Variants in TMX1 observed in about 807,000 individuals in gnomAD.
TMX1 encodes the protein thioredoxin related transmembrane protein 1.
TMX1 carries 25 observed loss-of-function variants against 36.6 expected under a neutral mutation model. That is an observed-to-expected ratio of 0.68 (90% CI 0.50 to 0.95). The LOEUF is 0.95. TMX1 is among the 40% of genes least tolerant of loss of function. The pLI is 0.00. For synonymous variants in TMX1, 133 were observed against 118.0 expected (o/e 1.13, Z -0.82); for missense variants, 347 against 339.6 (o/e 1.02, Z -0.17).
Position 51,254,602 on chromosome 14 carries a change from A to G in TMX1, c.*83A>G, listed in dbSNP as rs2065830225. 7.7e-7 allele frequency: 1 copy of G among 1,293,538 alleles called. No individual in the cohort carries two copies. The highest frequency in any genetic ancestry group is 1.4e-5 in the South Asian group (1 of 69,750). 80.1% of individuals were successfully genotyped at this position (1,293,538 alleles called of 1,614,324 possible). On this transcript the variant is annotated 3_prime_UTR_variant, in exon 8 of 8. Coordinates refer to ENST00000457354, the MANE Select transcript of TMX1 (RefSeq NM_030755.5). Reference sequence around the variant, plus strand: ...TTTGTTTGGTTTGAAGTGAACTGTGACTTTTTTGAATATTGCAGGGTTCAG... The same window carrying G: ...TTTGTTTGGTTTGAAGTGAACTGTGGCTTTTTTGAATATTGCAGGGTTCAG...
Position 51,243,924 on chromosome 14 carries a change from A to G in TMX1, c.221A>G (p.Glu74Gly). The part of the protein sequence containing the change: ...PEWESFAEWG[E>G]DLEVNIAKVD... ...TGGGAAAGTTTTGCTGAATGGGGAG[A>G]AGATCTTGAGGTTAATATTGCGAAA... The change falls in exon 2 of 8, where the codon GAA becomes GGA. Residue 74 changes from glutamate (E) to glycine (G), a missense_variant. Transcript: ENST00000457354. The G allele has an allele frequency of 6.2e-7, 1 of 1,612,548 alleles. No individual in the cohort carries two copies. Among genetic ancestry groups the G allele is most frequent in the Non-Finnish European group, 8.5e-7 (1 of 1,179,258 alleles).
At chr14:51,241,605 C>T (rs1355032180) in intron 1 of TMX1, among the ~76,000 whole-genome samples, 2 of 152,128 alleles carry the variant, frequency 1.3e-5, no homozygotes, top group Non-Finnish European at 2.9e-5. Context: ...GCGTACGCTA[C>T]CCAGGAGATT....
chr14:51,247,285 T>C (rs757224821), intron 4 of TMX1, 65 bp downstream of exon 4: 11 of 1,535,234 alleles, frequency 7.2e-6, no homozygotes, highest in Non-Finnish European at 9.7e-6. Context: ...TTATATTTTA[T>C]GTAAAGCATT....
At chr14:51,242,408 C>A (rs2140469478) in intron 1 of TMX1, among the ~76,000 whole-genome samples, 1 of 152,118 alleles carries the variant, frequency 6.6e-6, no homozygotes, top group African/African-American at 2.4e-5. Flanking sequence ...TCATTATGGT[C>A]CAACTATATA....
rs188265870 is a variant in TMX1 at position 51,251,489 on chromosome 14, T to C, written c.664+1724T>C. On this transcript the variant is annotated intron_variant, in intron 7 of 7. Coordinates refer to ENST00000457354, the MANE Select transcript of TMX1 (RefSeq NM_030755.5). ...TATTCTGTCTTCACCCTCACATAAA[T>C]CATATGGCCGTCAGAAAATCCGTTG... is the stretch of plus-strand genomic sequence containing the variant. 1.7e-3 allele frequency among the ~76,000 whole-genome samples: 264 copies of C among 152,294 alleles called. 1 individual carries two copies. Among genetic ancestry groups the C allele is most frequent in the South Asian group, 0.013 (64 of 4,822 alleles).
intron 1 of TMX1, among the ~76,000 whole-genome samples, chr14:51,241,386 A>G (rs935526965): frequency 6.6e-6 from 1 of 152,234 alleles, no homozygotes; most frequent in East Asian, 1.9e-4. Flanking sequence ...GACACCACTA[A>G]GCACCTTTAC....
chr14:51,246,996 T>C lies in TMX1; in HGVS notation c.315-96T>C, dbSNP rs1052699672. On this transcript the variant is annotated intron_variant, in intron 3 of 7. Coordinates refer to ENST00000457354, the MANE Select transcript of TMX1 (RefSeq NM_030755.5). ...CTTGTACATTGCTAATGCTTTTGAA[T>C]GTTAGAATTGACTGTAAAGTGAAGT... 8 of 1,107,834 alleles carry C rather than the reference T, an allele frequency of 7.2e-6. No individual in the cohort carries two copies. In the Admixed American group the frequency reaches 1.0e-4, roughly 14 times the overall value. The allele number at this position is 1,107,834 out of a possible 1,614,324, so 68.6% of individuals were successfully genotyped here.
chr14:51,250,492 G>A (rs2065806549), intron 7 of TMX1, among the ~76,000 whole-genome samples: 2 of 151,770 alleles, frequency 1.3e-5, no homozygotes, highest in Admixed American at 6.6e-5. Flanking sequence ...TTGTTTGTTT[G>A]TTTGTTTGTT....
At chr14:51,250,181 A>G (rs1351308692) in intron 7 of TMX1, among the ~76,000 whole-genome samples, 5 of 152,244 alleles carry the variant, frequency 3.3e-5, no homozygotes, top group Non-Finnish European at 5.9e-5. Context: ...AGCAATCCCT[A>G]TAGTTGATTT....
intron 1 of TMX1, among the ~76,000 whole-genome samples, chr14:51,241,852 CG>C (rs1381214295): frequency 6.6e-6 from 1 of 152,064 alleles, no homozygotes; most frequent in Admixed American, 6.6e-5. Context: ...CAAAACTGGC[CG>C]GCGCGGTGGC....
At chr14:51,247,568 A>G (rs1007991075) in intron 4 of TMX1, among the ~76,000 whole-genome samples, 4 of 152,100 alleles carry the variant, frequency 2.6e-5, no homozygotes, top group African/African-American at 9.7e-5. Context: ...TGTGTTAGCC[A>G]GGATGGTCTT....
At chr14:51,246,320 C>G (rs1030618250) in intron 3 of TMX1, among the ~76,000 whole-genome samples, 2 of 152,178 alleles carry the variant, frequency 1.3e-5, no homozygotes, top group East Asian at 3.9e-4. Context: ...TCCTGCCTGT[C>G]GAAATCTTAC....
intron 4 of TMX1, among the ~76,000 whole-genome samples, chr14:51,247,628 A>T (rs1417860877): frequency 1.3e-5 from 2 of 152,276 alleles, no homozygotes; most frequent in East Asian, 3.9e-4. Flanking sequence ...GAGTGCTGGG[A>T]TTACAGGTGT....
At chr14:51,250,555 G>A (rs768379310) in intron 7 of TMX1, among the ~76,000 whole-genome samples, 19 of 152,094 alleles carry the variant, frequency 1.2e-4, no homozygotes, top group Non-Finnish European at 1.9e-4. Context: ...GCAGTGGCGC[G>A]ATCTTGGCTC....
rs559629810 is a variant in TMX1 at position 51,255,840 on chromosome 14, A to G, written c.*1321A>G. ...ATCAACTGACCATTACGTAGTAGAC[A>G]ATTTCTGTAATGTCCCCTTCTTTCT... On this transcript the variant is annotated 3_prime_UTR_variant, in exon 8 of 8. Transcript: ENST00000457354. 6.6e-6 allele frequency: 1 copy of G among 152,288 alleles called. No individual in the cohort carries two copies. The highest frequency in any genetic ancestry group is 1.5e-5 in the Non-Finnish European group (1 of 67,936). 9.4% of individuals were successfully genotyped at this position (152,288 alleles called of 1,614,324 possible).
At chr14:51,243,481 C>A (rs576990030) in intron 1 of TMX1, among the ~76,000 whole-genome samples, 1 of 151,974 alleles carries the variant, frequency 6.6e-6, no homozygotes, top group African/African-American at 2.4e-5. Flanking sequence ...TTTTCCAACA[C>A]CTTGCATTTG....
intron 3 of TMX1, among the ~76,000 whole-genome samples, 157 bp from the exon 4 acceptor site, chr14:51,246,934 GT>G (rs2065788241): frequency 6.6e-6 from 1 of 152,052 alleles, no homozygotes; most frequent in Non-Finnish European, 1.5e-5. Context: ...GGGCTAAAAT[GT>G]CATGAGTAGG....
intron 2 of TMX1, 39 bp from the exon 3 acceptor site, chr14:51,245,274 T>C (rs1240213785): frequency 1.2e-6 from 2 of 1,612,258 alleles, no homozygotes. Context: ...AGTCAGTGAT[T>C]GGCCTATGTA....
Position 51,253,483 on chromosome 14 carries a change from T to C in TMX1, c.665-858T>C, listed in dbSNP as rs574844579. Among the ~76,000 whole-genome samples, 9 of 152,366 alleles carry C rather than the reference T, an allele frequency of 5.9e-5. No homozygotes were observed. The South Asian group carries it at 1.2e-3, about 21-fold the overall frequency. On this transcript the variant is annotated intron_variant, in intron 7 of 7. Transcript: ENST00000457354. Reference sequence around the variant, plus strand: ...TTTCCCCATGGTTTATTCTGCCTTATTAACCCAATCCTTCCTTGCGGGTGT... The same window carrying C: ...TTTCCCCATGGTTTATTCTGCCTTACTAACCCAATCCTTCCTTGCGGGTGT...
Sources: allele counts gnomAD v4.1 joint callset (sites outside exome capture counted in the v4.1 genomes callset), GRCh38; gene constraint gnomAD v4.1.1; transcripts MANE v1.5; gene names NCBI Gene and HGNC (gene_info 2026-07-23, HGNC 2026-07-21).